PAPPA: variants seen among roughly 807,000 people sequenced by gnomAD.
The protein encoded by PAPPA is pappalysin-1.
Under a neutral mutation model 164.0 loss-of-function variants are expected in PAPPA, and 60 were observed. The ratio of observed to expected loss-of-function variants is 0.37; its 90% CI spans 0.30 to 0.45. The LOEUF (loss-of-function observed/expected upper bound fraction) is 0.45. Among genes scored for constraint, PAPPA ranks in the 20% least tolerant of loss-of-function variants. PAPPA has a pLI of 1.00. For synonymous variants in PAPPA, 875 were observed against 814.1 expected, an observed-to-expected ratio of 1.07 and a Z score of -1.27; for missense variants, 1,782 against 2,087.3, an observed-to-expected ratio of 0.85 and a Z score of 2.85.
At chr9:116,229,328 T>C (rs534832875) in intron 6 of PAPPA, among the ~76,000 whole-genome samples, 17 of 152,328 alleles carry the variant, frequency 1.1e-4, no homozygotes, top group Admixed American at 1.1e-3. Context: ...ACATATGACA[T>C]CATTTGCTTT....
intron 9 of PAPPA, among the ~76,000 whole-genome samples, chr9:116,290,565 C>T (rs1164454026): frequency 6.6e-6 from 1 of 152,130 alleles, no homozygotes; most frequent in African/African-American, 2.4e-5. Context: ...TAGGGTTGAT[C>T]AGGGCATCTA....
At chr9:116,234,002 AC>A (rs1444131328) in intron 6 of PAPPA, among the ~76,000 whole-genome samples, 2 of 152,034 alleles carry the variant, frequency 1.3e-5, no homozygotes, top group Non-Finnish European at 2.9e-5. Flanking sequence ...AGACCATTCC[AC>A]TGCAGCCTAG....
At chr9:116,256,031 G>A (rs1057256275) in intron 7 of PAPPA, among the ~76,000 whole-genome samples, 1 of 151,562 alleles carries the variant, frequency 6.6e-6, no homozygotes, top group African/African-American at 2.4e-5. Context: ...AAGATTCCAG[G>A]TTAGTGATGT....
In PAPPA at chr9:116,260,059, A is replaced by C. The variant is rs144605437; in HGVS notation, c.2733-5798A>C. On this transcript the variant is annotated intron_variant, in intron 7 of 21. Transcript: ENST00000328252. ...ACAATGCTAAGGAAAAAAGAAAAAC[A>C]GCCAGCTACAAAATAAGTATAGTAT... Among the ~76,000 whole-genome samples, 904 of 152,326 alleles carry C rather than the reference A, an allele frequency of 5.9e-3. 9 individuals are homozygous for C. Among genetic ancestry groups the C allele is most frequent in the African/African-American group, 0.02 (851 of 41,582 alleles).
In PAPPA at chr9:116,367,764, C is replaced by T. The variant is rs766725320; in HGVS notation, c.4605+10C>T. 2 of 1,576,288 alleles carry T rather than the reference C, an allele frequency of 1.3e-6. No homozygotes were observed. The highest frequency in any genetic ancestry group is 8.7e-7 in the Non-Finnish European group (1 of 1,146,198). Reference sequence around the variant, plus strand: ...CCCCACACGGGTAGAGGTGAGTGACCAGGGACATCTACCCACCTGCAGCTA... The same window carrying T: ...CCCCACACGGGTAGAGGTGAGTGACTAGGGACATCTACCCACCTGCAGCTA... On this transcript the variant is annotated intron_variant, in intron 19 of 21. Coordinates refer to ENST00000328252, the MANE Select transcript of PAPPA (RefSeq NM_002581.5).
At chr9:116,246,132 G>A (rs1844794167) in intron 7 of PAPPA, among the ~76,000 whole-genome samples, 1 of 152,094 alleles carries the variant, frequency 6.6e-6, no homozygotes, top group Non-Finnish European at 1.5e-5. Flanking sequence ...AATGCATTAG[G>A]CCTGTTCCCC....
At chr9:116,249,036 C>T (rs1410091605) in intron 7 of PAPPA, among the ~76,000 whole-genome samples, 1 of 152,168 alleles carries the variant, frequency 6.6e-6, no homozygotes, top group African/African-American at 2.4e-5. Flanking sequence ...TTCTGTGTTT[C>T]ATTCATTCAA....
At chr9:116,243,716 CA>C (rs796648627) in intron 7 of PAPPA, among the ~76,000 whole-genome samples, 1 of 152,008 alleles carries the variant, frequency 6.6e-6, no homozygotes, top group Non-Finnish European at 1.5e-5. Flanking sequence ...GAGGAGAAAG[CA>C]AAATTTTTTT....
intron 10 of PAPPA, among the ~76,000 whole-genome samples, chr9:116,321,888 G>A (rs990723231): frequency 1.3e-5 from 2 of 152,160 alleles, no homozygotes; most frequent in Non-Finnish European, 2.9e-5. Flanking sequence ...TAATGCAAGT[G>A]TATTACCTCA....
At chr9:116,374,022 G>A (rs1035807762) in intron 19 of PAPPA, among the ~76,000 whole-genome samples, 2 of 151,446 alleles carry the variant, frequency 1.3e-5, no homozygotes, top group African/African-American at 4.8e-5. Context: ...GGATACTGAT[G>A]GTGATGATGA....
chr9:116,202,173 C>T (rs1040554026), intron 2 of PAPPA, among the ~76,000 whole-genome samples: 18 of 152,132 alleles, frequency 1.2e-4, no homozygotes, highest in African/African-American at 3.9e-4. Flanking sequence ...GGCCTTCTCA[C>T]ACTTTTTTCC....
intron 1 of PAPPA, among the ~76,000 whole-genome samples, chr9:116,156,904 A>C (rs1361461215): frequency 6.6e-6 from 1 of 152,202 alleles, no homozygotes; most frequent in Non-Finnish European, 1.5e-5. Context: ...GGCAGCAAGG[A>C]TCGGGTGCGA....
intron 14 of PAPPA, among the ~76,000 whole-genome samples, chr9:116,345,189 G>A (rs1213098944): frequency 1.3e-5 from 2 of 152,120 alleles, no homozygotes; most frequent in Non-Finnish European, 2.9e-5. Flanking sequence ...TCTTCTGAAG[G>A]AGCTTAGTGC....
chr9:116,235,348 G>A lies in PAPPA; in HGVS notation c.2443G>A (p.Asp815Asn). ...TDWDSSGAVN[D>N]IKLLAVSGKN... Reference sequence around the variant, plus strand: ...CTGGGACTCTAGTGGAGCTGTCAATGACATCAAACTGTTGGCTGTCAGTGG... The same window carrying A: ...CTGGGACTCTAGTGGAGCTGTCAATAACATCAAACTGTTGGCTGTCAGTGG... Residue 815 changes from aspartate (D) to asparagine (N), a missense_variant, in exon 7 of 22, where the codon GAC becomes AAC. Physicochemically the swap from Asp to Asn is conservative, Grantham distance 23. Transcript: ENST00000328252. The A allele has an allele frequency of 6.2e-7, 1 of 1,614,026 alleles. No homozygotes were observed. Among genetic ancestry groups the A allele is most frequent in the Non-Finnish European group, 8.5e-7 (1 of 1,179,978 alleles).
At chr9:116,267,503 C>T (rs1044223517) in intron 8 of PAPPA, among the ~76,000 whole-genome samples, 2 of 152,200 alleles carry the variant, frequency 1.3e-5, no homozygotes, top group African/African-American at 4.8e-5. Context: ...GTACAAGATT[C>T]TGTTCCTCTT....
At chr9:116,396,309 C>T (rs531089326) in intron 21 of PAPPA, among the ~76,000 whole-genome samples, 200 bp from the exon 22 acceptor site, 2 of 152,276 alleles carry the variant, frequency 1.3e-5, no homozygotes, top group Admixed American at 6.5e-5. Flanking sequence ...ATAGCAAGTG[C>T]CTCTGCAAAT....
chr9:116,200,496 G>A (rs976879606), intron 2 of PAPPA, among the ~76,000 whole-genome samples: 1 of 152,048 alleles, frequency 6.6e-6, no homozygotes, highest in Non-Finnish European at 1.5e-5. Flanking sequence ...CTTAGCCTTG[G>A]TTCCATCACC....
At chr9:116,233,735 TC>T (rs1487841333) in intron 6 of PAPPA, among the ~76,000 whole-genome samples, 1 of 152,148 alleles carries the variant, frequency 6.6e-6, no homozygotes, top group Non-Finnish European at 1.5e-5. Context: ...GTTTTTTCAC[TC>T]CAAATAACTT....
At chr9:116,337,570 C>T (rs553085480) in intron 13 of PAPPA, among the ~76,000 whole-genome samples, 1 of 152,234 alleles carries the variant, frequency 6.6e-6, no homozygotes, top group South Asian at 2.1e-4. Context: ...TCAGCTGTTT[C>T]CCAGGTAGTG....
Sources: gnomAD v4.1 joint callset for allele counts (sites outside exome capture counted in the v4.1 genomes callset) on GRCh38, gnomAD v4.1.1 for gene constraint, MANE v1.5 for transcripts, NCBI Gene and HGNC (gene_info 2026-07-23, HGNC 2026-07-21) for gene names.